Variants in NPAT observed in about 807,000 individuals in gnomAD.
NPAT encodes the protein protein NPAT.
A neutral mutation model predicts 130.7 loss-of-function variants in NPAT; 52 were observed. The observed-to-expected ratio is 0.40, with a 90% CI of 0.32 to 0.50. The LOEUF is 0.50. Ranked by LOEUF, NPAT falls within the 20% of genes least tolerant of loss-of-function variation. NPAT has a pLI of 0.68. For synonymous variants in NPAT, 580 were observed against 584.8 expected (o/e 0.99, Z 0.12); for missense variants, 1,687 against 1,662.6 (o/e 1.01, Z -0.26).
chr11:108,211,424 TCC>T (rs2078382705), intron 1 of NPAT, among the ~76,000 whole-genome samples: 1 of 151,848 alleles, frequency 6.6e-6, no homozygotes, highest in Admixed American at 6.6e-5. Context: ...GCACCTGTGG[TCC>T]CAGCTACTTG....
intron 1 of NPAT, among the ~76,000 whole-genome samples, chr11:108,222,045 G>C (rs536660153): frequency 6.6e-6 from 1 of 152,264 alleles, no homozygotes; most frequent in East Asian, 1.9e-4. Flanking sequence ...ATAAGGGCGG[G>C]TTATTAGAAG....
rs1342014625 is a variant in NPAT at position 108,213,109 on chromosome 11, A to T, written c.37+9391T>A. 2.6e-5 allele frequency among the ~76,000 whole-genome samples: 4 copies of T among 152,184 alleles called. No homozygotes were observed. In the East Asian group the frequency reaches 5.8e-4, roughly 22 times the overall value. On this transcript the variant is annotated intron_variant, in intron 1 of 17. Coordinates refer to ENST00000278612, the MANE Select transcript of NPAT (RefSeq NM_002519.3). ...ACCAACATGGAGAAACCCTGGTGCT[A>T]CTAAAAATACAAAGTTAGCTGGGCA...
Position 108,162,176 on chromosome 11 carries a change from T to A in NPAT, c.3015A>T (p.Lys1005Asn), listed in dbSNP as rs2077858747. ...QGLRNKPCIG[K>N]QVNNLVDSSG... ...ACGAATCCACCAAATTATTTACTTGTTTTCCTGAAATTATAAATGAACATT... is the reference window on the plus strand; with the variant it reads ...ACGAATCCACCAAATTATTTACTTGATTTCCTGAAATTATAAATGAACATT... Residue 1005 changes from lysine (K) to asparagine (N), a missense_variant, in exon 16 of 18, where the codon AAA (lysine) becomes AAT (asparagine). Physicochemically the swap from Lys to Asn is moderately conservative, Grantham distance 94 (BLOSUM62 0). Transcript: ENST00000278612. 1.9e-6 allele frequency: 3 copies of A among 1,613,234 alleles called. No individual in the cohort carries two copies. The highest frequency in any genetic ancestry group is 2.5e-6 in the Non-Finnish European group (3 of 1,179,230).
intron 1 of NPAT, among the ~76,000 whole-genome samples, chr11:108,200,111 A>G (rs1334078072): frequency 6.6e-6 from 1 of 152,162 alleles, no homozygotes; most frequent in Non-Finnish European, 1.5e-5. Context: ...ATTGGGCAAG[A>G]GGTTATTTCC....
intron 1 of NPAT, among the ~76,000 whole-genome samples, chr11:108,220,805 T>C (rs976811097): frequency 3.3e-5 from 5 of 152,184 alleles, no homozygotes; most frequent in African/African-American, 1.2e-4. Context: ...CTAAAAGGTA[T>C]AGTGTGAAAG....
In NPAT at chr11:108,189,335, A is replaced by C; in HGVS notation, c.332-5T>G. The C allele has an allele frequency of 1.2e-6, 2 of 1,614,066 alleles. No homozygotes were observed. The highest frequency in any genetic ancestry group is 1.7e-5 in the Admixed American group (1 of 60,028). On this transcript the variant is annotated splice_region_variant and splice_polypyrimidine_tract_variant and intron_variant, in intron 5 of 17. Transcript: ENST00000278612. ...CAATTCCAGTTCTCGTTCGGGCTGA[A>C]ACATATAAGCATTTAAAAAACAAAT...
intron 10 of NPAT, among the ~76,000 whole-genome samples, chr11:108,182,313 A>C (rs954312900): frequency 6.6e-6 from 1 of 152,086 alleles, no homozygotes; most frequent in Non-Finnish European, 1.5e-5. Flanking sequence ...GAAGAGTGAG[A>C]GCTCTCTCCC....
intron 15 of NPAT, among the ~76,000 whole-genome samples, chr11:108,162,575 C>T (rs747299410): frequency 7.2e-5 from 11 of 151,812 alleles, no homozygotes; most frequent in Non-Finnish European, 1.0e-4. Flanking sequence ...GGATTACAGG[C>T]GCCCCCAACC....
intron 3 of NPAT, among the ~76,000 whole-genome samples, chr11:108,193,083 AT>A (rs1212657943): frequency 5.9e-5 from 9 of 152,240 alleles, no homozygotes; most frequent in Non-Finnish European, 1.2e-4. Flanking sequence ...TCTTATGCGA[AT>A]TCTTTAGTGC....
chr11:108,201,651 A>G (rs926992723), intron 1 of NPAT, among the ~76,000 whole-genome samples: 1 of 152,222 alleles, frequency 6.6e-6, no homozygotes, highest in Non-Finnish European at 1.5e-5. Context: ...ACCAGAGGCC[A>G]CTAAGGTGAC....
chr11:108,189,915 G>A (rs1056607846), intron 5 of NPAT, among the ~76,000 whole-genome samples: 2 of 151,170 alleles, frequency 1.3e-5, no homozygotes, highest in African/African-American at 2.4e-5. Flanking sequence ...CTTATGAAAT[G>A]AGAATTAAAA....
chr11:108,165,217 A>C (rs2077889900), intron 15 of NPAT, among the ~76,000 whole-genome samples: 1 of 151,912 alleles, frequency 6.6e-6, no homozygotes, highest in African/African-American at 2.4e-5. Context: ...TTGAACAGAA[A>C]CTTTAAATTC....
At chr11:108,180,519 G>A (rs1332727279) in intron 10 of NPAT, among the ~76,000 whole-genome samples, 1 of 151,002 alleles carries the variant, frequency 6.6e-6, no homozygotes. Flanking sequence ...TGACACCCAT[G>A]AGGATGGCCA....
In NPAT at chr11:108,195,782, C is replaced by T. The variant is rs757026621; in HGVS notation, c.156+1520G>A. 2.5e-4 allele frequency among the ~76,000 whole-genome samples: 38 copies of T among 152,180 alleles called. No homozygotes were observed. The Middle Eastern group carries it at 0.01, about 41-fold the overall frequency. Reference sequence around the variant, plus strand: ...AGCTGGGACTAAGTGCACCACTATACCTGGCTAATTTTTAAAAATTGTTTT... The same window carrying T: ...AGCTGGGACTAAGTGCACCACTATATCTGGCTAATTTTTAAAAATTGTTTT... On this transcript the variant is annotated intron_variant, in intron 2 of 17. Transcript: ENST00000278612.
At chr11:108,175,324 C>G (rs2077995138) in intron 12 of NPAT, among the ~76,000 whole-genome samples, 1 of 152,178 alleles carries the variant, frequency 6.6e-6, no homozygotes, top group South Asian at 2.1e-4. Flanking sequence ...CAGGCACCCA[C>G]TGGGGGGCTT....
At chr11:108,220,533 C>G (rs530124583) in intron 1 of NPAT, among the ~76,000 whole-genome samples, 1 of 151,748 alleles carries the variant, frequency 6.6e-6, no homozygotes, top group East Asian at 1.9e-4. Context: ...TACTAGGCAC[C>G]CAAAGATTTG....
chr11:108,173,464 A>AT lies in NPAT; in HGVS notation c.1519dup (p.Ile507AsnfsTer12). On this transcript the variant is annotated frameshift_variant, in exon 13 of 18. Coordinates refer to ENST00000278612, the MANE Select transcript of NPAT (RefSeq NM_002519.3). LOFTEE classifies it high-confidence loss of function. Reference sequence around the variant, plus strand: ...AAGTGAAACAAATGAAGTTATTGGTATATCAGGCTGATCAGGCTGTAACTG... The same window carrying AT: ...AAGTGAAACAAATGAAGTTATTGGTATTATCAGGCTGATCAGGCTGTAACTG... The AT allele has an allele frequency of 6.2e-7, 1 of 1,614,206 alleles. No homozygotes were observed. The highest frequency in any genetic ancestry group is 8.5e-7 in the Non-Finnish European group (1 of 1,180,030).
intron 15 of NPAT, among the ~76,000 whole-genome samples, chr11:108,167,015 A>C (rs995980912): frequency 1.3e-5 from 2 of 152,178 alleles, no homozygotes; most frequent in Non-Finnish European, 2.9e-5. Flanking sequence ...TGGTCATTAT[A>C]AACAGTATCT....
At position 108,173,631 on chromosome 11, in the gene NPAT, A is replaced by T; in HGVS notation, c.1353T>A (p.Asn451Lys). ...DITFESVPNL[N>K]DFNQRGNSNA... ...TAGAATTCCCTCTTTGGTTAAAGTCATTCAAATTAGGCACGGACTCAAAGG... is the reference window on the plus strand; with the variant it reads ...TAGAATTCCCTCTTTGGTTAAAGTCTTTCAAATTAGGCACGGACTCAAAGG... Residue 451 changes from asparagine (N) to lysine (K), a missense_variant, in exon 13 of 18, where the codon AAT (asparagine) becomes AAA (lysine). Around this residue, in one of 3 missense-constraint regions of NPAT, gnomAD observed 1,379 missense variants for 1,346.6 expected, o/e 1.02. Coordinates refer to ENST00000278612, the MANE Select transcript of NPAT (RefSeq NM_002519.3). 6.2e-7 allele frequency: 1 copy of T among 1,614,220 alleles called. No individual in the cohort carries two copies. Among genetic ancestry groups the T allele is most frequent in the Non-Finnish European group, 8.5e-7 (1 of 1,180,040 alleles).
Sources: allele counts gnomAD v4.1 joint callset (sites outside exome capture counted in the v4.1 genomes callset), GRCh38; gene constraint gnomAD v4.1.1; regional missense constraint gnomAD v4.1.1; transcripts MANE v1.5; gene names NCBI Gene and HGNC (gene_info 2026-07-23, HGNC 2026-07-21).